Variants in IL2RB observed in about 807,000 individuals in gnomAD.
IL2RB encodes interleukin-2 receptor subunit beta.
In IL2RB, 17 loss-of-function variants were observed where a neutral mutation model predicts 44.2. The observed-to-expected ratio is 0.38, with a 90% CI of 0.26 to 0.58. The LOEUF (loss-of-function observed/expected upper bound fraction) is 0.58, where lower values mean the gene tolerates loss of function less well. Ranked by LOEUF, IL2RB falls within the 20% of genes least tolerant of loss-of-function variation. The pLI is 0.63. For synonymous variants in IL2RB, 286 were observed against 297.9 expected, an observed-to-expected ratio of 0.96 and a Z score of 0.41; for missense variants, 624 against 685.5, an observed-to-expected ratio of 0.91 and a Z score of 1.00.
At chr22:37,158,182 G>A (rs1431082279) in intron 1 of IL2RB, among the ~76,000 whole-genome samples, 4 of 152,102 alleles carry the variant, frequency 2.6e-5, no homozygotes, top group Non-Finnish European at 4.4e-5. Context: ...AACAAAATGC[G>A]CATCCATAGG....
chr22:37,160,482 G>A (rs1382754798), intron 1 of IL2RB, among the ~76,000 whole-genome samples: 1 of 152,178 alleles, frequency 6.6e-6, no homozygotes, highest in East Asian at 1.9e-4. Flanking sequence ...GGACAGGTGG[G>A]GACCATGGCA....
At chr22:37,152,929 CTTTTTTTTTTT>C (rs67046193), upstream of IL2RB, among the ~76,000 whole-genome samples, 1 of 86,982 alleles carries the variant, frequency 1.1e-5, no homozygotes. Flanking sequence ...GCTGTGGCCT[CTTTTTTTTTTT>C]TTTTTTTTTT....
intron 9 of IL2RB, among the ~76,000 whole-genome samples, chr22:37,130,302 G>C (rs1921361760): frequency 6.6e-6 from 1 of 152,240 alleles, no homozygotes; most frequent in Admixed American, 6.5e-5. Flanking sequence ...CCTGTGGCCA[G>C]TGCCGGTGAG....
chr22:37,132,594 G>C, intron 8 of IL2RB, 126 bp from the exon 9 acceptor site: 1 of 671,330 alleles, frequency 1.5e-6, no homozygotes. Flanking sequence ...TATTTCTTCC[G>C]CCGATACTAA....
At chr22:37,163,014 C>G (rs147814231) in intron 1 of IL2RB, among the ~76,000 whole-genome samples, 4 of 152,246 alleles carry the variant, frequency 2.6e-5, no homozygotes, top group African/African-American at 9.6e-5. Context: ...GAGCACTGGA[C>G]TGAGGGTTTG....
intron 8 of IL2RB, among the ~76,000 whole-genome samples, chr22:37,134,008 C>G (rs557061099): frequency 2.6e-4 from 39 of 152,302 alleles, no homozygotes; most frequent in African/African-American, 8.9e-4. Context: ...CTCAGGGAAA[C>G]CAGCCCTGGC....
chr22:37,165,057 T>A (rs1338816316), intron 1 of IL2RB, among the ~76,000 whole-genome samples: 1 of 152,124 alleles, frequency 6.6e-6, no homozygotes, highest in African/African-American at 2.4e-5. Context: ...GCATGTTACC[T>A]CAGTGAATCC....
rs201441730 is a variant in IL2RB, at chr22:37,137,723, G to A, written c.401C>T (p.Ala134Val). ...GTGGACAACTTGGAGGGAGATGGGG[G>A]CCATCAGGCGAACTGGAGACAACAG... ...FKPFENLRLMAPISLQVVHVE... is the reference protein window; with the variant it reads ...FKPFENLRLMVPISLQVVHVE... Residue 134 changes from alanine to valine, a missense_variant, in exon 6 of 10, where the codon GCC becomes GTC. Physicochemically the swap from Ala to Val is moderately conservative, Grantham distance 64. Transcript: ENST00000216223. The A allele has an allele frequency of 3.7e-6, 6 of 1,613,902 alleles. No homozygotes were observed. Among genetic ancestry groups the A allele is most frequent in the Non-Finnish European group, 5.1e-6 (6 of 1,179,846 alleles).
intron 1 of IL2RB, among the ~76,000 whole-genome samples, chr22:37,174,599 A>C (rs1275873746): frequency 6.6e-6 from 1 of 152,134 alleles, no homozygotes; most frequent in East Asian, 1.9e-4. Flanking sequence ...ACCTGTCCCC[A>C]CACCTTAGAT....
intron 5 of IL2RB, 41 bp from the exon 6 acceptor site, chr22:37,137,776 C>A: frequency 6.4e-7 from 1 of 1,566,616 alleles, no homozygotes; most frequent in Non-Finnish European, 8.8e-7. Flanking sequence ...TCAGCCATGA[C>A]CTCCACCTCC....
At chr22:37,170,369 G>A (rs1923237764) in intron 1 of IL2RB, among the ~76,000 whole-genome samples, 1 of 152,188 alleles carries the variant, frequency 6.6e-6, no homozygotes, top group African/African-American at 2.4e-5. Flanking sequence ...CCTAACAGGA[G>A]AGCAGCTGAG....
At chr22:37,173,790 C>T (rs1035074554) in intron 1 of IL2RB, among the ~76,000 whole-genome samples, 6 of 152,264 alleles carry the variant, frequency 3.9e-5, no homozygotes, top group African/African-American at 9.6e-5. Flanking sequence ...GTAGCTTTGG[C>T]GCTGCTGTAG....
chr22:37,144,217 G>A lies in IL2RB; in HGVS notation c.-33-12C>T. 6.5e-7 allele frequency: 1 copy of A among 1,538,620 alleles called. No individual in the cohort carries two copies. Among genetic ancestry groups the A allele is most frequent in the Non-Finnish European group, 8.8e-7 (1 of 1,141,012 alleles). On this transcript the variant is annotated splice_polypyrimidine_tract_variant and intron_variant, in intron 1 of 9. Transcript: ENST00000216223. ...CGAGGAAGGAAGCCCTGGTGGGAGA[G>A]GAGAAAGAGAGAGCACACGTAAATA...
At chr22:37,164,119 A>T (rs748360189) in intron 1 of IL2RB, among the ~76,000 whole-genome samples, 1 of 152,186 alleles carries the variant, frequency 6.6e-6, no homozygotes, top group Non-Finnish European at 1.5e-5. Context: ...TGCAGAGCAG[A>T]GCGGAAAGCA....
intron 9 of IL2RB, among the ~76,000 whole-genome samples, chr22:37,129,775 C>T (rs927426587): frequency 6.6e-6 from 1 of 152,204 alleles, no homozygotes; most frequent in East Asian, 1.9e-4. Context: ...GGACAGCAGG[C>T]CCTCCTGGTG....
At chr22:37,166,267 C>T (rs1210165549) in intron 1 of IL2RB, among the ~76,000 whole-genome samples, 3 of 152,218 alleles carry the variant, frequency 2.0e-5, no homozygotes, top group Admixed American at 6.5e-5. Context: ...AGAGCCTCCC[C>T]GCCCCCCCAC....
At chr22:37,135,490 C>T (rs1341549781) in intron 7 of IL2RB, 48 bp from the exon 8 acceptor site, 6 of 1,222,538 alleles carry the variant, frequency 4.9e-6, no homozygotes, top group Non-Finnish European at 7.2e-6. Flanking sequence ...AGAGAAGTGC[C>T]CTCACTCACC....
chr22:37,163,996 G>A (rs550325183), intron 1 of IL2RB, among the ~76,000 whole-genome samples: 20 of 152,378 alleles, frequency 1.3e-4, no homozygotes, highest in East Asian at 3.9e-4. Flanking sequence ...GCTCATGCAC[G>A]AAGGTGCTTT....
intron 8 of IL2RB, among the ~76,000 whole-genome samples, chr22:37,133,295 T>A (rs1921520575): frequency 6.6e-6 from 1 of 151,988 alleles, no homozygotes; most frequent in Non-Finnish European, 1.5e-5. Context: ...CAGGGAGCTG[T>A]GGGCGGAGGG....
Sources: gnomAD v4.1 joint callset for allele counts (sites outside exome capture counted in the v4.1 genomes callset) on GRCh38, gnomAD v4.1.1 for gene constraint, MANE v1.5 for transcripts, NCBI Gene and HGNC (gene_info 2026-07-23, HGNC 2026-07-21) for gene names.